Variants in ELAC2 observed in about 807,000 individuals in gnomAD.
ELAC2 encodes zinc phosphodiesterase ELAC protein 2.
A neutral mutation model predicts 105.2 loss-of-function variants in ELAC2; 92 were observed. The ratio of observed to expected loss-of-function variants is 0.87; its 90% confidence interval spans 0.74 to 1.04. ELAC2 has a LOEUF of 1.04. Among genes scored for constraint, ELAC2 ranks in the 50% least tolerant of loss-of-function variants. The pLI is 0.00. For synonymous variants in ELAC2, 468 were observed against 409.1 expected, an observed-to-expected ratio of 1.14 and a Z score of -1.74; for missense variants, 1,099 against 1,071.7, an observed-to-expected ratio of 1.03 and a Z score of -0.36.
At chr17:13,011,900 T>G (rs950646878) in intron 6 of ELAC2, 118 bp from the exon 7 acceptor site, 1 of 1,492,712 alleles carries the variant, frequency 6.7e-7, no homozygotes, top group Non-Finnish European at 9.2e-7. Flanking sequence ...CCTTTTACTA[T>G]ACAGTAGGAA....
At chr17:13,015,597 C>A (rs1408099317) in intron 4 of ELAC2, among the ~76,000 whole-genome samples, 171 bp downstream of exon 4, 1 of 152,148 alleles carries the variant, frequency 6.6e-6, no homozygotes, top group East Asian at 1.9e-4. Flanking sequence ...GTAACTTGAT[C>A]AAGGTCACAT....
intron 22 of ELAC2, 148 bp downstream of exon 22, chr17:12,994,277 A>G: frequency 2.2e-6 from 2 of 923,130 alleles, no homozygotes; most frequent in Admixed American, 1.7e-5. Context: ...AGAGCCTGTG[A>G]GCACTGCCAC....
intron 8 of ELAC2, among the ~76,000 whole-genome samples, chr17:13,009,782 G>A (rs1292254232): frequency 6.6e-6 from 1 of 152,168 alleles, no homozygotes; most frequent in East Asian, 1.9e-4. Flanking sequence ...CCTGAGGTCA[G>A]GAGTGAAACC....
chr17:13,016,928 T>C lies in ELAC2; in HGVS notation c.301A>G (p.Lys101Glu). The C allele has an allele frequency of 6.2e-7, 1 of 1,613,952 alleles. No individual in the cohort carries two copies. Among genetic ancestry groups the C allele is most frequent in the Non-Finnish European group, 8.5e-7 (1 of 1,180,000 alleles). The change falls in exon 3 of 24, where the codon AAG becomes GAG. Residue 101 changes from lysine (K) to glutamate (E), a missense_variant. By Grantham distance (56) the Lys-to-Glu change is moderately conservative. Transcript: ENST00000338034. ...VQRLMQEHKL[K>E]VARLDNIFLT... ...AATATGTTGTCCAGGCGAGCAACCT[T>C]TAACCTAAGAATGAAAAAACATTTA...
At position 13,013,282 on chromosome 17, in the gene ELAC2, G is replaced by A. The variant is rs1266868622; in HGVS notation, c.491-7C>T. 3.7e-6 allele frequency: 6 copies of A among 1,613,374 alleles called. No homozygotes were observed. The highest frequency in any genetic ancestry group is 5.1e-6 in the Non-Finnish European group (6 of 1,179,570). On this transcript the variant is annotated splice_region_variant and splice_polypyrimidine_tract_variant and intron_variant, in intron 5 of 23. Coordinates refer to ENST00000338034, the MANE Select transcript of ELAC2 (RefSeq NM_018127.7). ...GCAGAGTGGGGCCGCACAGCTACAA[G>A]AAAACCACACAACAGCAAAGTGATT...
rs1418085708 is a variant in ELAC2, at chr17:13,002,469, A to G, written c.1190T>C (p.Phe397Ser). 6.2e-7 allele frequency: 1 copy of G among 1,610,372 alleles called. No individual in the cohort carries two copies. The highest frequency in any genetic ancestry group is 8.5e-7 in the Non-Finnish European group (1 of 1,178,162). The change falls in exon 13 of 24, where the codon TTC (phenylalanine) becomes TCC (serine). Residue 397 changes from phenylalanine (F) to serine (S), a missense_variant. Physicochemically the swap from Phe to Ser is radical, Grantham distance 155. Coordinates refer to ENST00000338034, the MANE Select transcript of ELAC2 (RefSeq NM_018127.7). ...TQLNLIHPDI[F>S]PLLTSFRCKK... Reference sequence around the variant, plus strand: ...ACAGCGGAAACTGGTGAGCAGGGGGAAGATGTCCGGGTGGATGAGGTTGAG... The same window carrying G: ...ACAGCGGAAACTGGTGAGCAGGGGGGAGATGTCCGGGTGGATGAGGTTGAG...
At chr17:13,001,365 G>A (rs777087644) in intron 14 of ELAC2, among the ~76,000 whole-genome samples, 85 of 152,218 alleles carry the variant, frequency 5.6e-4, no homozygotes, top group Non-Finnish European at 6.8e-4. Context: ...GGTAGCAGGC[G>A]CCTGTAATTC....
At chr17:12,994,628 A>C in intron 21 of ELAC2, 125 bp from the exon 22 acceptor site, 1 of 1,598,460 alleles carries the variant, frequency 6.3e-7, no homozygotes. Flanking sequence ...TACTAGGATG[A>C]CAACCAGAGA....
intron 10 of ELAC2, 104 bp from the exon 11 acceptor site, chr17:13,005,205 G>C: frequency 1.2e-6 from 1 of 849,102 alleles, no homozygotes; most frequent in Non-Finnish European, 2.0e-6. Context: ...CCAGTGAGCT[G>C]AGAGGTAAAC....
chr17:13,002,245 C>T (rs374094565), intron 14 of ELAC2, 29 bp downstream of exon 14: 30 of 1,611,960 alleles, frequency 1.9e-5, no homozygotes, highest in African/African-American at 4.0e-5. Context: ...TCGACTGAGA[C>T]GATTCCATTA....
chr17:13,004,152 C>G (rs2040978982), intron 11 of ELAC2: 2 of 159,448 alleles, frequency 1.3e-5, no homozygotes, highest in Admixed American at 1.2e-4. Flanking sequence ...CCAGCATCAT[C>G]ACACATCCAC....
chr17:13,005,777 T>C lies in ELAC2; in HGVS notation c.846A>G (p.Lys282=). Residue 282 remains lysine (K), a synonymous_variant, in exon 10 of 24, where the codon AAA becomes AAG. Coordinates refer to ENST00000338034, the MANE Select transcript of ELAC2 (RefSeq NM_018127.7). Reference sequence around the variant, plus strand: ...CCTCTCTTCCTTCATGAGTGATGCTTTTCCCGTCCTTGACAGCAGCAATGA... The same window carrying C: ...CCTCTCTTCCTTCATGAGTGATGCTCTTCCCGTCCTTGACAGCAGCAATGA... ...APIIAAVKDG[K]SITHEGREIL... 1 of 1,614,136 alleles carries C rather than the reference T, an allele frequency of 6.2e-7. No homozygotes were observed. The highest frequency in any genetic ancestry group is 1.1e-5 in the South Asian group (1 of 91,080).
rs1598257958 is a variant in ELAC2, at chr17:13,010,525, C to T, written c.738+88G>A. The stretch of plus-strand genomic sequence containing the variant: ...CTTCTTGTCTCAGGTAACAGGAGTG[C>T]CTACCCTCAAATTAATGAAAAAGTG... On this transcript the variant is annotated intron_variant, in intron 8 of 23. Transcript: ENST00000338034. 4.9e-6 allele frequency: 6 copies of T among 1,218,588 alleles called. No homozygotes were observed. In the East Asian group the frequency reaches 1.2e-4, roughly 24 times the overall value. 75.5% of individuals were successfully genotyped at this position (1,218,588 alleles called of 1,614,324 possible).
chr17:13,011,565 C>T lies in ELAC2; in HGVS notation c.679+98G>A, dbSNP rs2041412945. 3.1e-6 allele frequency: 5 copies of T among 1,593,286 alleles called. No individual in the cohort carries two copies. In the Admixed American group the frequency reaches 6.7e-5, roughly 21 times the overall value. ...CAGGAAGAAGGATCTGTTTACACAC[C>T]TGGCTTTCTTACAATAATGACTCTC... is the stretch of plus-strand genomic sequence containing the variant. On this transcript the variant is annotated intron_variant, in intron 7 of 23. Coordinates refer to ENST00000338034, the MANE Select transcript of ELAC2 (RefSeq NM_018127.7).
chr17:13,012,387 T>C (rs2041465770), intron 6 of ELAC2, among the ~76,000 whole-genome samples: 1 of 152,170 alleles, frequency 6.6e-6, no homozygotes, highest in Non-Finnish European at 1.5e-5. Flanking sequence ...TGGGGGTGGC[T>C]ACAGCAGGGG....
chr17:13,016,557 G>C (rs57941479), intron 3 of ELAC2, among the ~76,000 whole-genome samples: 27,568 of 151,806 alleles, frequency 0.18, 2,544 homozygotes, highest in African/African-American at 0.2. Flanking sequence ...GGCCGAGACA[G>C]GAGGATCGCA....
intron 8 of ELAC2, among the ~76,000 whole-genome samples, chr17:13,007,539 A>G (rs2041177236): frequency 6.6e-6 from 1 of 152,354 alleles, no homozygotes; most frequent in South Asian, 2.1e-4. Flanking sequence ...CTCTCCACAC[A>G]CCCAAACGGG....
At position 12,993,821 on chromosome 17, in the gene ELAC2, G is replaced by C. The variant is rs781319122; in HGVS notation, c.2119C>G (p.Gln707Glu). 2 of 1,614,184 alleles carry C rather than the reference G, an allele frequency of 1.2e-6. No individual in the cohort carries two copies. The highest frequency in any genetic ancestry group is 2.2e-5 in the South Asian group (2 of 91,088). ...ATCCGCATCCCCACGCTGATGGCTT[G>C]GGACGTTGTGCTGCAGGTGAAGGAC... is the stretch of plus-strand genomic sequence containing the variant. ...AVEKTHSTTS[Q>E]AISVGMRMNA... The change falls in exon 23 of 24, where the codon CAA (glutamine) becomes GAA (glutamate). Residue 707 changes from glutamine to glutamate, a missense_variant. Transcript: ENST00000338034.
At chr17:13,010,736 AT>A in intron 7 of ELAC2, 65 bp from the exon 8 acceptor site, 2 of 1,414,632 alleles carry the variant, frequency 1.4e-6, no homozygotes, top group East Asian at 2.3e-5. Context: ...TCACAGACTG[AT>A]TATGACCCGA....
Sources: allele counts gnomAD v4.1 joint callset (sites outside exome capture counted in the v4.1 genomes callset), GRCh38; gene constraint gnomAD v4.1.1; transcripts MANE v1.5; gene names NCBI Gene and HGNC (gene_info 2026-07-23, HGNC 2026-07-21).